Variants in LAMA1 observed in about 807,000 individuals in gnomAD.
LAMA1 encodes laminin subunit alpha-1.
In LAMA1, 219 loss-of-function variants were observed where a neutral mutation model predicts 348.7. The ratio of observed to expected loss-of-function variants is 0.63; its 90% confidence interval spans 0.56 to 0.70. LAMA1 has a LOEUF of 0.70. LAMA1 is among the 30% of genes least tolerant of loss of function. LAMA1 has a pLI of 0.00. For missense variants in LAMA1, 3,744 were observed against 3,888.0 expected, an observed-to-expected ratio of 0.96 and a Z score of 0.99; for synonymous variants, 1,487 against 1,491.0, an observed-to-expected ratio of 1.00 and a Z score of 0.06.
In LAMA1 at chr18:6,973,186, C is replaced by T; in HGVS notation, c.6645G>A (p.Leu2215=). The change falls in exon 47 of 63, where the codon CTG becomes CTA. Residue 2215 remains leucine, a synonymous_variant. Transcript: ENST00000389658. ...GATTTGAGCTCATTTCCTTTACACT[C>T]AGTGAACCAATGTTTCCAAATCTAA... ...HVARFGNIGS[L]SVKEMSSNQK... 6.2e-7 allele frequency: 1 copy of T among 1,614,206 alleles called. No homozygotes were observed. Among genetic ancestry groups the T allele is most frequent in the South Asian group, 1.1e-5 (1 of 91,076 alleles).
intron 1 of LAMA1, among the ~76,000 whole-genome samples, chr18:7,083,193 A>ATTTTTTTTTTTTTTTTTTTTTT (rs10685378): frequency 1.4e-5 from 2 of 141,074 alleles, no homozygotes; most frequent in African/African-American, 5.2e-5. Context: ...ATATATATAC[A>ATTTTTTTTTTTTTTTTTTTTTT]TTTTTTTTTT....
In LAMA1 at chr18:7,009,127, G is replaced by A. The variant is rs2057846822; in HGVS notation, c.4001+112C>T. 3.3e-6 allele frequency: 4 copies of A among 1,208,032 alleles called. 1 individual carries two copies. The South Asian group carries it at 5.0e-5, about 15-fold the overall frequency. The allele number at this position is 1,208,032 out of a possible 1,614,324, so 74.8% of individuals were successfully genotyped here. On this transcript the variant is annotated intron_variant, in intron 27 of 62. Transcript: ENST00000389658. ...TTTAACAATGTTTTGGTAAGGAACTGAACTACATGGATTAATAAAAATAGT... is the reference window on the plus strand; with the variant it reads ...TTTAACAATGTTTTGGTAAGGAACTAAACTACATGGATTAATAAAAATAGT...
chr18:7,037,813 T>C, intron 11 of LAMA1, 62 bp from the exon 12 acceptor site: 1 of 1,509,426 alleles, frequency 6.6e-7, no homozygotes, highest in Non-Finnish European at 9.1e-7. Flanking sequence ...TTTCACCCAG[T>C]GCAGCAGTAA....
chr18:6,970,494 G>A (rs2057653091), intron 48 of LAMA1, among the ~76,000 whole-genome samples: 1 of 152,184 alleles, frequency 6.6e-6, no homozygotes, highest in South Asian at 2.1e-4. Flanking sequence ...GTGAGGTGAA[G>A]AGACTTATTA....
At chr18:7,085,673 C>A (rs748374021) in intron 1 of LAMA1, among the ~76,000 whole-genome samples, 2 of 152,132 alleles carry the variant, frequency 1.3e-5, no homozygotes, top group African/African-American at 2.4e-5. Flanking sequence ...CCGCCTCAGC[C>A]TCCCAAAGTG....
intron 1 of LAMA1, among the ~76,000 whole-genome samples, chr18:7,108,640 C>CAAAAAAAAAAAAAAAAAAA (rs58802341): frequency 9.9e-5 from 4 of 40,236 alleles, no homozygotes; most frequent in African/African-American, 2.0e-4. Flanking sequence ...GACTCTGTCT[C>CAAAAAAAAAAAAAAAAAAA]AAAAAAAAAA....
intron 37 of LAMA1, among the ~76,000 whole-genome samples, 190 bp downstream of exon 37, chr18:6,985,947 C>T (rs1195263772): frequency 6.6e-6 from 1 of 151,888 alleles, no homozygotes; most frequent in Admixed American, 6.6e-5. Context: ...TTAGTAGAGA[C>T]CGGGGTTTCA....
intron 37 of LAMA1, 27 bp from the exon 38 acceptor site, chr18:6,985,670 T>G: frequency 6.5e-7 from 1 of 1,545,982 alleles, no homozygotes; most frequent in Non-Finnish European, 8.9e-7. Flanking sequence ...ATTTTAAGGG[T>G]GCTTCATAAA....
At chr18:6,951,536 G>A (rs2078017033) in intron 57 of LAMA1, among the ~76,000 whole-genome samples, 2 of 152,216 alleles carry the variant, frequency 1.3e-5, no homozygotes, top group African/African-American at 4.8e-5. Flanking sequence ...AACATAGGGA[G>A]GAGGGGCTTT....
At chr18:7,115,726 T>G (rs913533135) in intron 1 of LAMA1, among the ~76,000 whole-genome samples, 1 of 148,854 alleles carries the variant, frequency 6.7e-6, no homozygotes, top group South Asian at 2.1e-4. Flanking sequence ...AACCCAGCAC[T>G]TTGGGAGGCC....
chr18:7,112,140 G>A (rs2058338218), intron 1 of LAMA1, among the ~76,000 whole-genome samples: 1 of 152,092 alleles, frequency 6.6e-6, no homozygotes, highest in Non-Finnish European at 1.5e-5. Flanking sequence ...TTTAGAAGTA[G>A]TACAATGCCA....
Position 6,978,320 on chromosome 18 carries a change from C to T in LAMA1, c.6066G>A (p.Ala2022=), listed in dbSNP as rs150951157. The T allele has an allele frequency of 7.7e-4, 1,249 of 1,614,214 alleles. 33 individuals carry two copies. The East Asian group carries it at 0.017, about 22-fold the overall frequency. ...CCGCCACGTCCCTCAGCGTGCTCAC[C>T]GCGCTCTGGCTTGCAGACGTGGCCA... The part of the protein sequence containing the change: ...KELATSASQS[A]VSTLRDVAGL... Residue 2022 remains alanine (A), a synonymous_variant, in exon 43 of 63, where the codon GCG becomes GCA. Coordinates refer to ENST00000389658, the MANE Select transcript of LAMA1 (RefSeq NM_005559.4).
At chr18:7,024,703 T>C (rs1324387296) in intron 17 of LAMA1, among the ~76,000 whole-genome samples, 3 of 152,038 alleles carry the variant, frequency 2.0e-5, no homozygotes. Flanking sequence ...TCCCTACTCC[T>C]CTCATTCTCA....
intron 16 of LAMA1, among the ~76,000 whole-genome samples, chr18:7,026,962 G>A (rs1232574961): frequency 6.6e-6 from 1 of 151,344 alleles, no homozygotes; most frequent in Non-Finnish European, 1.5e-5. Context: ...CCACTGCCTG[G>A]GTGACAGCGA....
chr18:6,948,717 T>C (rs1418080480), intron 59 of LAMA1, among the ~76,000 whole-genome samples, 161 bp from the exon 60 acceptor site: 1 of 152,240 alleles, frequency 6.6e-6, no homozygotes, highest in African/African-American at 2.4e-5. Context: ...CATGAATGTC[T>C]AAGTTAGAGC....
At chr18:6,980,167 T>C (rs1162058761) in intron 42 of LAMA1, among the ~76,000 whole-genome samples, 1 of 152,238 alleles carries the variant, frequency 6.6e-6, no homozygotes, top group Admixed American at 6.5e-5. Flanking sequence ...CATTTTCCCC[T>C]TAGGCAGGTA....
chr18:6,947,609 G>A (rs886186291), intron 60 of LAMA1, among the ~76,000 whole-genome samples: 1 of 152,188 alleles, frequency 6.6e-6, no homozygotes, highest in Non-Finnish European at 1.5e-5. Flanking sequence ...AGTCTTTCCC[G>A]TGGGCTGTTG....
chr18:7,049,862 T>G (rs1254007975), intron 4 of LAMA1, among the ~76,000 whole-genome samples: 1 of 152,166 alleles, frequency 6.6e-6, no homozygotes, highest in Non-Finnish European at 1.5e-5. Flanking sequence ...ACTTTAAAAT[T>G]TGATATAAAA....
chr18:6,977,457 A>G (rs2057687667), intron 44 of LAMA1, among the ~76,000 whole-genome samples: 2 of 152,274 alleles, frequency 1.3e-5, no homozygotes, highest in Non-Finnish European at 2.9e-5. Context: ...AATTTAGTCT[A>G]TAATGATAAA....
Sources: gnomAD v4.1 joint callset for allele counts (sites outside exome capture counted in the v4.1 genomes callset) on GRCh38, gnomAD v4.1.1 for gene constraint, MANE v1.5 for transcripts, NCBI Gene and HGNC (gene_info 2026-07-23, HGNC 2026-07-21) for gene names.